FHIT: variants seen among roughly 807,000 people sequenced by gnomAD.
FHIT encodes fragile histidine triad diadenosine triphosphatase, also known as bis(5'-adenosyl)-triphosphatase.
Under a neutral mutation model 17.9 loss-of-function variants are expected in FHIT, and 19 were observed. The ratio of observed to expected loss-of-function variants is 1.06; its 90% CI spans 0.74 to 1.56. The LOEUF (loss-of-function observed/expected upper bound fraction) is 1.56. Ranked by LOEUF, FHIT falls within the 40% of genes most tolerant of loss-of-function variation. The pLI, the probability that FHIT is intolerant of heterozygous loss-of-function variation, is 0.00. For missense variants in FHIT, 248 were observed against 189.2 expected, an observed-to-expected ratio of 1.31 and a Z score of -1.82; for synonymous variants, 81 against 69.7, an observed-to-expected ratio of 1.16 and a Z score of -0.81.
chr3:60,948,182 C>T (rs1553776169), intron 3 of FHIT, among the ~76,000 whole-genome samples: 1 of 152,128 alleles, frequency 6.6e-6, no homozygotes. Context: ...GCAGGTCTTA[C>T]AGGCCCATTC....
At chr3:60,903,048 A>G (rs2107231610) in intron 3 of FHIT, among the ~76,000 whole-genome samples, 1 of 152,338 alleles carries the variant, frequency 6.6e-6, no homozygotes, top group Admixed American at 6.5e-5. Flanking sequence ...CATTTCCAAA[A>G]TGCAGAGAAT....
intron 5 of FHIT, among the ~76,000 whole-genome samples, chr3:60,066,739 C>A (rs1327845558): frequency 6.9e-6 from 1 of 144,260 alleles, no homozygotes; most frequent in African/African-American, 2.6e-5. Context: ...TCACTGCAAG[C>A]TCCGCCTCGC....
intron 7 of FHIT, among the ~76,000 whole-genome samples, chr3:59,923,680 G>T (rs1295543318): frequency 6.6e-6 from 1 of 152,144 alleles, no homozygotes; most frequent in East Asian, 1.9e-4. Flanking sequence ...AGCTTAAATA[G>T]AGAGAGGCAG....
chr3:60,764,118 C>T (rs1262408641), intron 4 of FHIT, among the ~76,000 whole-genome samples: 1 of 152,114 alleles, frequency 6.6e-6, no homozygotes, highest in Non-Finnish European at 1.5e-5. Flanking sequence ...GCCTGACATC[C>T]AGCGTGGTAT....
chr3:60,611,962 T>C (rs1163741295), intron 4 of FHIT, among the ~76,000 whole-genome samples: 1 of 152,268 alleles, frequency 6.6e-6, no homozygotes, highest in East Asian at 1.9e-4. Flanking sequence ...AGGGTCCTGA[T>C]ACTGTCACTG....
chr3:59,888,685 C>G (rs1703727099), intron 8 of FHIT, among the ~76,000 whole-genome samples: 1 of 152,194 alleles, frequency 6.6e-6, no homozygotes, highest in Non-Finnish European at 1.5e-5. Context: ...GGGTCCTAGT[C>G]TCCATACCAC....
chr3:61,039,385 T>C (rs2033398082), intron 3 of FHIT, among the ~76,000 whole-genome samples: 1 of 152,212 alleles, frequency 6.6e-6, no homozygotes, highest in Admixed American at 6.5e-5. Flanking sequence ...CAGAAAGTCT[T>C]ACAATTCTTA....
intron 5 of FHIT, among the ~76,000 whole-genome samples, chr3:60,256,488 T>G (rs911875199): frequency 2.0e-5 from 3 of 152,222 alleles, no homozygotes; most frequent in Non-Finnish European, 2.9e-5. Flanking sequence ...AAATGTTATC[T>G]TGCTTAATTC....
intron 8 of FHIT, among the ~76,000 whole-genome samples, chr3:59,814,278 T>C (rs1700518034): frequency 6.6e-6 from 1 of 152,148 alleles, no homozygotes; most frequent in African/African-American, 2.4e-5. Context: ...AGTCAGAAAA[T>C]TCAAAATATC....
At chr3:60,003,179 A>G (rs212020) in intron 7 of FHIT, among the ~76,000 whole-genome samples, 140,411 of 152,214 alleles carry the variant, frequency 0.92, 64,833 homozygotes, top group East Asian at 1. Context: ...CGAAACCCTC[A>G]GGTACAATTC....
chr3:60,490,979 G>A (rs1261888369), intron 5 of FHIT, among the ~76,000 whole-genome samples: 8 of 152,080 alleles, frequency 5.3e-5, no homozygotes, highest in Admixed American at 5.2e-4. Context: ...AAAGGTAATT[G>A]CAAAATAAAA....
chr3:60,294,813 T>A (rs1708136250), intron 5 of FHIT, among the ~76,000 whole-genome samples: 1 of 152,146 alleles, frequency 6.6e-6, no homozygotes. Context: ...TGAAATTGGC[T>A]TTTTACGCTC....
intron 3 of FHIT, among the ~76,000 whole-genome samples, chr3:61,011,530 A>G (rs2031788932): frequency 6.6e-6 from 1 of 152,114 alleles, no homozygotes; most frequent in Admixed American, 6.6e-5. Context: ...ACGTACCTTC[A>G]TTCTTCTGCT....
At chr3:60,377,641 C>A (rs983479785) in intron 5 of FHIT, among the ~76,000 whole-genome samples, 3 of 148,262 alleles carry the variant, frequency 2.0e-5, no homozygotes, top group East Asian at 4.0e-4. Context: ...GCCACCGCGC[C>A]CGGCTAATTT....
chr3:60,000,870 C>G (rs560730957), intron 7 of FHIT, among the ~76,000 whole-genome samples: 1 of 152,302 alleles, frequency 6.6e-6, no homozygotes, highest in Non-Finnish European at 1.5e-5. Flanking sequence ...CCTGCTGCCA[C>G]TCTCCCTACA....
intron 2 of FHIT, among the ~76,000 whole-genome samples, chr3:61,124,682 A>G (rs2036558052): frequency 6.6e-6 from 1 of 152,172 alleles, no homozygotes; most frequent in Non-Finnish European, 1.5e-5. Flanking sequence ...GCTGTAAAGT[A>G]ATTTTTATAT....
At chr3:61,214,673 C>G (rs1388290849) in intron 1 of FHIT, among the ~76,000 whole-genome samples, 1 of 152,116 alleles carries the variant, frequency 6.6e-6, no homozygotes. Context: ...CAGCATCATC[C>G]TGATACCAAA....
chr3:60,292,857 A>G lies in FHIT; in HGVS notation c.103+244003T>C, dbSNP rs987091362. Among the ~76,000 whole-genome samples the G allele has an allele frequency of 8.9e-5, 3 of 33,862 alleles. No homozygotes were observed. In the Admixed American group the frequency reaches 1.3e-3, roughly 15 times the overall value. The allele number at this position is 33,862 out of a possible 152,430, so 22.2% of individuals were successfully genotyped here. ...TTTTGTTTTATTGGCTTTATTTCAA[A>G]TGGCTATTATTAAATCCCTGATAGT... On this transcript the variant is annotated intron_variant, in intron 5 of 9. Coordinates refer to ENST00000492590, the MANE Select transcript of FHIT (RefSeq NM_002012.4).
At chr3:60,103,868 T>A (rs9311748) in intron 5 of FHIT, among the ~76,000 whole-genome samples, 10 of 152,108 alleles carry the variant, frequency 6.6e-5, no homozygotes, top group Non-Finnish European at 1.5e-4. Context: ...CCAATTTTAA[T>A]TACATGTCGC....
Sources: gnomAD v4.1 joint callset for allele counts (sites outside exome capture counted in the v4.1 genomes callset) on GRCh38, gnomAD v4.1.1 for gene constraint, MANE v1.5 for transcripts, NCBI Gene and HGNC (gene_info 2026-07-23, HGNC 2026-07-21) for gene names.